Variants in CLMP observed in about 807,000 individuals in gnomAD.
CLMP encodes CXADR like cell adhesion molecule.
Under a neutral mutation model 45.2 loss-of-function variants are expected in CLMP, and 27 were observed. That is an observed-to-expected ratio of 0.60 (90% CI 0.44 to 0.82). CLMP has a LOEUF of 0.82. Ranked by LOEUF, CLMP falls within the 40% of genes least tolerant of loss-of-function variation. The probability of loss-of-function intolerance (pLI) is 0.00; values close to 1 mark genes in which losing one functional copy is unlikely to be tolerated. For synonymous variants in CLMP, 167 were observed against 171.4 expected (o/e 0.97, Z 0.20); for missense variants, 403 against 448.4 (o/e 0.90, Z 0.91).
chr11:123,191,889 T>C (rs1338054827), intron 1 of CLMP, among the ~76,000 whole-genome samples: 3 of 152,208 alleles, frequency 2.0e-5, no homozygotes, highest in East Asian at 1.9e-4. Context: ...GGGTGTTAGA[T>C]AAGCATTTGG....
chr11:123,085,410 G>A (rs187016348), intron 2 of CLMP, among the ~76,000 whole-genome samples: 2 of 151,482 alleles, frequency 1.3e-5, no homozygotes, highest in East Asian at 2.0e-4. Context: ...CACCATGCCC[G>A]GCTAACTTTT....
At chr11:123,192,251 G>A (rs1861918002) in intron 1 of CLMP, among the ~76,000 whole-genome samples, 1 of 152,202 alleles carries the variant, frequency 6.6e-6, no homozygotes, top group East Asian at 1.9e-4. Flanking sequence ...TCAGAATGAA[G>A]TGTTTATACT....
intron 1 of CLMP, among the ~76,000 whole-genome samples, chr11:123,184,832 T>C (rs1411478125): frequency 6.6e-6 from 1 of 152,238 alleles, no homozygotes; most frequent in African/African-American, 2.4e-5. Flanking sequence ...ATTCATTCAT[T>C]TGGCAGGAAT....
At chr11:123,094,089 G>T (rs1315383504) in intron 2 of CLMP, among the ~76,000 whole-genome samples, 1 of 152,120 alleles carries the variant, frequency 6.6e-6, no homozygotes, top group Non-Finnish European at 1.5e-5. Context: ...AGGCACTGAG[G>T]TCAGGGTGCC....
intron 1 of CLMP, among the ~76,000 whole-genome samples, chr11:123,181,626 C>G (rs567804849): frequency 5.9e-5 from 9 of 152,354 alleles, no homozygotes; most frequent in African/African-American, 2.2e-4. Context: ...ACGGCACTAT[C>G]TCCACTCACA....
chr11:123,072,555 A>G lies in CLMP; in HGVS notation c.*919T>C, dbSNP rs1051297126. 1.3e-5 allele frequency: 2 copies of G among 152,150 alleles called. No individual in the cohort carries two copies. The highest frequency in any genetic ancestry group is 2.9e-5 in the Non-Finnish European group (2 of 68,032). The allele number at this position is 152,150 out of a possible 1,614,324, so 9.4% of individuals were successfully genotyped here. A position where few individuals can be genotyped will look rare whatever the true frequency, so the allele number is the denominator to read the frequency against. The stretch of plus-strand genomic sequence containing the variant: ...AGAGACTATAATGGTATGTTGGGTA[A>G]TCTTTCAGCATTCCTAGATCCCTTT... On this transcript the variant is annotated 3_prime_UTR_variant, in exon 7 of 7. Coordinates refer to ENST00000448775, the MANE Select transcript of CLMP (RefSeq NM_024769.5).
intron 1 of CLMP, among the ~76,000 whole-genome samples, chr11:123,114,477 T>C (rs1350546784): frequency 7.0e-6 from 1 of 141,890 alleles, no homozygotes; most frequent in Non-Finnish European, 1.5e-5. Flanking sequence ...CCTTCCTTTT[T>C]TTTTTTTTGA....
intron 1 of CLMP, among the ~76,000 whole-genome samples, chr11:123,182,303 G>A (rs1861779685): frequency 6.6e-6 from 1 of 152,210 alleles, no homozygotes; most frequent in Non-Finnish European, 1.5e-5. Flanking sequence ...CTGGAGCACA[G>A]ATTCCATCAC....
chr11:123,073,909 T>G, intron 6 of CLMP, 135 bp from the exon 7 acceptor site: 1 of 816,104 alleles, frequency 1.2e-6, no homozygotes. Context: ...GGGTCATAGG[T>G]GCTTCCTCGT....
chr11:123,116,061 G>A (rs1390267660), intron 1 of CLMP, among the ~76,000 whole-genome samples: 1 of 152,030 alleles, frequency 6.6e-6, no homozygotes, highest in Admixed American at 6.6e-5. Flanking sequence ...CCACAGGGCT[G>A]CCTCACCACA....
intron 2 of CLMP, among the ~76,000 whole-genome samples, chr11:123,092,393 G>A (rs1038333503): frequency 6.6e-6 from 1 of 152,094 alleles, no homozygotes; most frequent in African/African-American, 2.4e-5. Flanking sequence ...CACCTCCCGG[G>A]TTCAAGCGAT....
At chr11:123,074,921 C>T in intron 5 of CLMP, 78 bp from the exon 6 acceptor site, 1 of 1,479,382 alleles carries the variant, frequency 6.8e-7, no homozygotes, top group Non-Finnish European at 9.1e-7. Context: ...AAAACATAAG[C>T]TCTGGACAGA....
chr11:123,075,262 TTATATC>T (rs1203498431), intron 5 of CLMP, among the ~76,000 whole-genome samples: 4 of 150,824 alleles, frequency 2.7e-5, no homozygotes, highest in African/African-American at 7.3e-5. Flanking sequence ...CTCCAGGTCT[TTATATC>T]TATCTTCCTG....
chr11:123,098,058 T>G, intron 1 of CLMP, 106 bp from the exon 2 acceptor site: 1 of 941,282 alleles, frequency 1.1e-6, no homozygotes, highest in Admixed American at 3.0e-5. Context: ...GGCAAGTGCA[T>G]GTGGAGGGGT....
intron 1 of CLMP, among the ~76,000 whole-genome samples, chr11:123,135,000 C>T (rs1458543201): frequency 1.3e-5 from 2 of 151,852 alleles, no homozygotes; most frequent in Admixed American, 6.6e-5. Context: ...TGGCTCATGC[C>T]TGTAATCCCA....
chr11:123,136,462 C>G, intron 1 of CLMP: 1 of 402,746 alleles, frequency 2.5e-6, no homozygotes, highest in Non-Finnish European at 4.5e-6. Context: ...ACCCTCCTCT[C>G]CCTGGCGCTT....
intron 1 of CLMP, among the ~76,000 whole-genome samples, chr11:123,145,997 C>T (rs1178151562): frequency 6.6e-6 from 1 of 152,312 alleles, no homozygotes; most frequent in Non-Finnish European, 1.5e-5. Context: ...CCCAGCTGCT[C>T]ATTAACGCTG....
intron 1 of CLMP, among the ~76,000 whole-genome samples, chr11:123,157,995 A>C (rs187922524): frequency 2.6e-5 from 4 of 151,862 alleles, no homozygotes; most frequent in Admixed American, 2.0e-4. Flanking sequence ...CTTCCAACCC[A>C]TTCTCTTCTG....
intron 1 of CLMP, among the ~76,000 whole-genome samples, chr11:123,181,414 C>T (rs765878869): frequency 5.3e-5 from 8 of 152,234 alleles, no homozygotes; most frequent in African/African-American, 7.2e-5. Flanking sequence ...CAAGCGATTG[C>T]TTTCGCCTCA....
Sources: gnomAD v4.1 joint callset for allele counts (sites outside exome capture counted in the v4.1 genomes callset) on GRCh38, gnomAD v4.1.1 for gene constraint, MANE v1.5 for transcripts, NCBI Gene and HGNC (gene_info 2026-07-23, HGNC 2026-07-21) for gene names.